Variants in BCLAF3 observed in about 807,000 individuals in gnomAD.
BCLAF3 encodes BCLAF1 and THRAP3 family member 3, also known as transient octamer binding factor 1.
Under a neutral mutation model 51.2 loss-of-function variants are expected in BCLAF3, and 24 were observed. The ratio of observed to expected loss-of-function variants is 0.47; its 90% confidence interval spans 0.34 to 0.66. BCLAF3 has a LOEUF of 0.66. Ranked by LOEUF, BCLAF3 falls within the 30% of genes least tolerant of loss-of-function variation. The probability of loss-of-function intolerance (pLI) is 0.01; values close to 1 mark genes in which losing one functional copy is unlikely to be tolerated. For synonymous variants in BCLAF3, 152 were observed against 176.6 expected, an observed-to-expected ratio of 0.86 and a Z score of 1.10; for missense variants, 465 against 525.1, an observed-to-expected ratio of 0.89 and a Z score of 1.12.
chrX:19,985,427 T>G (rs1486264075), intron 1 of BCLAF3, among the ~76,000 whole-genome samples: 6 of 105,857 alleles, frequency 5.7e-5, no homozygotes, highest in Admixed American at 3.0e-4. Flanking sequence ...AAAAAATAAT[T>G]AAAAAAAAAT....
chrX:19,977,921 T>C (rs1311236811), intron 1 of BCLAF3, among the ~76,000 whole-genome samples: 2 of 111,348 alleles, frequency 1.8e-5, no homozygotes, highest in Admixed American at 9.6e-5. Context: ...ACTCTGCCTG[T>C]GCTCCATAAA....
intron 8 of BCLAF3, among the ~76,000 whole-genome samples, chrX:19,946,896 TAAATA>T (rs1322158799): frequency 1.8e-5 from 2 of 112,390 alleles, no homozygotes; most frequent in East Asian, 5.5e-4. Flanking sequence ...ATGATCACCC[TAAATA>T]AAACCATATC....
At chrX:19,937,964 C>G (rs2070838065) in intron 8 of BCLAF3, among the ~76,000 whole-genome samples, 1 of 111,871 alleles carries the variant, frequency 8.9e-6, no homozygotes, top group East Asian at 2.8e-4. Context: ...GCCCATTCAA[C>G]AGAGGCAAGG....
chrX:19,938,493 T>G (rs2070865671), intron 8 of BCLAF3, among the ~76,000 whole-genome samples: 1 of 112,149 alleles, frequency 8.9e-6, no homozygotes, highest in Admixed American at 9.4e-5. Flanking sequence ...CCTCCTGAGT[T>G]CAACTGATTC....
At chrX:19,959,080 T>C (rs752654271) in intron 4 of BCLAF3, among the ~76,000 whole-genome samples, 5 of 112,487 alleles carry the variant, frequency 4.4e-5, no homozygotes, top group Non-Finnish European at 7.5e-5. Flanking sequence ...CAGTCTCCTT[T>C]CCCTCTATTC....
chrX:19,944,921 G>A (rs373509003), intron 8 of BCLAF3, among the ~76,000 whole-genome samples: 6 of 97,013 alleles, frequency 6.2e-5, no homozygotes, highest in East Asian at 3.1e-4. Context: ...CCAATCAGAC[G>A]TAGATTTGGT....
intron 1 of BCLAF3, among the ~76,000 whole-genome samples, chrX:19,986,943 T>C (rs1026267114): frequency 1.8e-5 from 2 of 109,544 alleles, no homozygotes; most frequent in Admixed American, 9.8e-5. Context: ...GCTGGGACTA[T>C]AGGTGCATAC....
At chrX:19,970,051 C>T (rs1425739390) in intron 2 of BCLAF3, among the ~76,000 whole-genome samples, 173 bp downstream of exon 2, 1 of 112,315 alleles carries the variant, frequency 8.9e-6, no homozygotes, top group Non-Finnish European at 1.9e-5. Flanking sequence ...TAGCCACCTG[C>T]TATGATTAAA....
chrX:19,970,676 A>G (rs1241012670), intron 1 of BCLAF3, among the ~76,000 whole-genome samples: 1 of 112,088 alleles, frequency 8.9e-6, no homozygotes, highest in Admixed American at 9.5e-5. Flanking sequence ...AAAAATGTAA[A>G]ATATTTTATT....
At chrX:19,970,423 T>A in intron 1 of BCLAF3, 125 bp from the exon 2 acceptor site, 1 of 510,694 alleles carries the variant, frequency 2.0e-6, no homozygotes. Flanking sequence ...AACATGGAAA[T>A]GATAATAATA....
chrX:19,933,827 G>A (rs952090444), intron 10 of BCLAF3, among the ~76,000 whole-genome samples: 3 of 111,220 alleles, frequency 2.7e-5, no homozygotes, highest in Admixed American at 9.6e-5. Context: ...CTTGAGGGCC[G>A]TGGCACAATC....
intron 4 of BCLAF3, among the ~76,000 whole-genome samples, chrX:19,961,906 C>G (rs2071869358): frequency 8.9e-6 from 1 of 112,122 alleles, no homozygotes; most frequent in African/African-American, 3.2e-5. Flanking sequence ...ATCCCATTGA[C>G]AGATTATGAG....
chrX:19,975,186 G>A (rs1270710702), intron 1 of BCLAF3, among the ~76,000 whole-genome samples: 1 of 109,664 alleles, frequency 9.1e-6, no homozygotes, highest in African/African-American at 3.3e-5. Context: ...AGATAAGAGA[G>A]GAGGTTTAAA....
At chrX:19,961,053 C>T (rs1295196331) in intron 4 of BCLAF3, among the ~76,000 whole-genome samples, 1 of 111,515 alleles carries the variant, frequency 9.0e-6, no homozygotes. Flanking sequence ...CACCTCCTCC[C>T]TCCTCCTCTT....
intron 1 of BCLAF3, among the ~76,000 whole-genome samples, chrX:19,989,403 G>A (rs893531697): frequency 2.7e-5 from 3 of 111,580 alleles, no homozygotes; most frequent in African/African-American, 9.8e-5. Context: ...GGCTGACACA[G>A]GGGAATCACT....
intron 8 of BCLAF3, among the ~76,000 whole-genome samples, chrX:19,948,916 G>T (rs970876338): frequency 9.0e-6 from 1 of 110,966 alleles, no homozygotes; most frequent in Non-Finnish European, 1.9e-5. Context: ...TGGGTAGAGG[G>T]TTTACTTCTG....
At chrX:19,968,580 G>T (rs1393663796) in intron 2 of BCLAF3, among the ~76,000 whole-genome samples, 3 of 112,873 alleles carry the variant, frequency 2.7e-5, no homozygotes, top group Non-Finnish European at 5.6e-5. Context: ...CCAGAGGGTG[G>T]GGGGAATGAC....
At chrX:19,990,079 T>C (rs2072898917) in intron 1 of BCLAF3, among the ~76,000 whole-genome samples, 1 of 105,703 alleles carries the variant, frequency 9.5e-6, no homozygotes, top group Non-Finnish European at 1.9e-5. Context: ...CTAAAAAGGC[T>C]GCCTGGCGAG....
chrX:19,969,655 C>T (rs1310295554), intron 2 of BCLAF3, among the ~76,000 whole-genome samples: 1 of 111,877 alleles, frequency 8.9e-6, no homozygotes, highest in East Asian at 2.8e-4. Flanking sequence ...TGTCAATCTC[C>T]CAGCCCAACC....
Sources: gnomAD v4.1 joint callset for allele counts (sites outside exome capture counted in the v4.1 genomes callset) on GRCh38, gnomAD v4.1.1 for gene constraint, MANE v1.5 for transcripts, NCBI Gene and HGNC (gene_info 2026-07-23, HGNC 2026-07-21) for gene names.